FGF14: variants seen among roughly 807,000 people sequenced by gnomAD.
The protein encoded by FGF14 is fibroblast growth factor 14, also known as fibroblast growth factor homologous factor 4.
FGF14 carries 5 observed loss-of-function variants against 25.5 expected under a neutral mutation model. The ratio of observed to expected loss-of-function variants is 0.20; its 90% confidence interval spans 0.10 to 0.41. FGF14 has a LOEUF of 0.41. Ranked by LOEUF, FGF14 falls within the 10% of genes least tolerant of loss-of-function variation. FGF14 has a pLI of 1.00. For synonymous variants in FGF14, 138 were observed against 118.3 expected (o/e 1.17, Z -1.08); for missense variants, 222 against 320.1 (o/e 0.69, Z 2.34).
chr13:101,893,903 T>C (rs1184479589), intron 1 of FGF14, among the ~76,000 whole-genome samples: 2 of 152,162 alleles, frequency 1.3e-5, no homozygotes, highest in Admixed American at 1.3e-4. Flanking sequence ...GACAAGATTC[T>C]TAGCATCTCA....
At chr13:101,794,309 T>A (rs928867664) in intron 3 of FGF14, among the ~76,000 whole-genome samples, 1 of 152,062 alleles carries the variant, frequency 6.6e-6, no homozygotes, top group Admixed American at 6.6e-5. Flanking sequence ...TCTACGGTTA[T>A]TAAATCTACC....
chr13:101,887,314 T>TCA (rs1371779552), intron 1 of FGF14, among the ~76,000 whole-genome samples: 1 of 142,664 alleles, frequency 7.0e-6, no homozygotes, highest in Admixed American at 7.4e-5. Flanking sequence ...TAAATATATT[T>TCA]CATATATATG....
At chr13:101,926,192 A>G (rs899288656) in intron 1 of FGF14, among the ~76,000 whole-genome samples, 2 of 152,166 alleles carry the variant, frequency 1.3e-5, no homozygotes, top group African/African-American at 4.8e-5. Flanking sequence ...TGTCTACCAC[A>G]CCTACCCTGT....
intron 1 of FGF14, among the ~76,000 whole-genome samples, chr13:102,046,177 C>T (rs557216616): frequency 1.3e-5 from 2 of 152,236 alleles, no homozygotes; most frequent in African/African-American, 4.8e-5. Context: ...TCCTAAGCCT[C>T]TCTCTAGTCA....
At chr13:101,747,081 A>G (rs1022422020) in intron 3 of FGF14, among the ~76,000 whole-genome samples, 1 of 152,006 alleles carries the variant, frequency 6.6e-6, no homozygotes, top group Non-Finnish European at 1.5e-5. Flanking sequence ...GGAAAGTGGT[A>G]TGTTGAGCAT....
In FGF14 at chr13:101,756,652, G is replaced by A. The variant is rs1594139444; in HGVS notation, c.409-29842C>T. Reference sequence around the variant, plus strand: ...GGAGGCTGAGGCAGGAGAACTGCTTGAATCCAGGAGGCGGAGGTTGCCATG... The same window carrying A: ...GGAGGCTGAGGCAGGAGAACTGCTTAAATCCAGGAGGCGGAGGTTGCCATG... On this transcript the variant is annotated intron_variant, in intron 3 of 4. Transcript: ENST00000376143. 2.0e-5 allele frequency among the ~76,000 whole-genome samples: 3 copies of A among 152,306 alleles called. 1 individual carries two copies. Among genetic ancestry groups the A allele is most frequent in the Admixed American group, 2.0e-4 (3 of 15,298 alleles).
intron 1 of FGF14, among the ~76,000 whole-genome samples, chr13:102,109,727 C>T (rs924302606): frequency 3.3e-5 from 5 of 152,078 alleles, no homozygotes; most frequent in African/African-American, 9.7e-5. Context: ...TCAAGAGGTT[C>T]TCCTGCCTCA....
intron 1 of FGF14, among the ~76,000 whole-genome samples, chr13:102,065,144 C>T (rs2042848670): frequency 6.6e-6 from 1 of 152,068 alleles, no homozygotes; most frequent in Non-Finnish European, 1.5e-5. Context: ...CATTCATCAT[C>T]ATCTATTAAG....
intron 1 of FGF14, among the ~76,000 whole-genome samples, chr13:101,953,778 CGGGGT>C (rs1395147139): frequency 6.6e-6 from 1 of 151,492 alleles, no homozygotes; most frequent in Admixed American, 6.6e-5. Context: ...TTAGTAGAGA[CGGGGT>C]TTCACCATGT....
chr13:101,820,326 C>G (rs982596774), intron 3 of FGF14, among the ~76,000 whole-genome samples: 3 of 151,942 alleles, frequency 2.0e-5, no homozygotes, highest in African/African-American at 7.3e-5. Context: ...CAGATTAGTC[C>G]TATATAATTT....
At position 101,718,262 on chromosome 13, in the gene FGF14, C is replaced by G. The variant is rs1344181089; in HGVS notation, c.*4569G>C. ...TGTGTGTGTATGTGTGGTTTTGATG[C>G]CAGCAATGCAAACACCAATATATCT... On this transcript the variant is annotated 3_prime_UTR_variant, in exon 5 of 5. Coordinates refer to ENST00000376143, the MANE Select transcript of FGF14 (RefSeq NM_004115.4). 1 of 151,760 alleles carries G rather than the reference C, an allele frequency of 6.6e-6. No homozygotes were observed. Among genetic ancestry groups the G allele is most frequent in the Non-Finnish European group, 1.5e-5 (1 of 67,894 alleles). 9.4% of individuals were successfully genotyped at this position (151,760 alleles called of 1,614,324 possible). A position where few individuals can be genotyped will look rare whatever the true frequency, so the allele number is the denominator to read the frequency against.
chr13:102,159,272 A>C (rs1286860630), intron 1 of FGF14, among the ~76,000 whole-genome samples: 1 of 152,212 alleles, frequency 6.6e-6, no homozygotes, highest in Admixed American at 6.5e-5. Flanking sequence ...AAATGATTAT[A>C]AAGGAAAAAG....
At chr13:101,801,650 G>T (rs373455872) in intron 3 of FGF14, among the ~76,000 whole-genome samples, 49 of 152,192 alleles carry the variant, frequency 3.2e-4, no homozygotes, top group African/African-American at 1.1e-3. Context: ...GAGAAAACAG[G>T]TTGGTTAAGA....
chr13:102,179,972 C>T (rs2048601052), intron 1 of FGF14, among the ~76,000 whole-genome samples: 1 of 152,112 alleles, frequency 6.6e-6, no homozygotes, highest in Non-Finnish European at 1.5e-5. Context: ...TACTCCTCAT[C>T]TCTACCAAAC....
Position 102,388,325 on chromosome 13 carries a change from A to C in FGF14, c.208+13146T>G, listed in dbSNP as rs148085918. On this transcript the variant is annotated intron_variant, in intron 1 of 4. Coordinates refer to the FGF14 transcript ENST00000376131. ...AAAATTAAAACTACAAAGTAGGCTC[A>C]AATTGTATAGAAAGATGTATAATGT... Among the ~76,000 whole-genome samples the C allele has an allele frequency of 5.6e-3, 860 of 152,338 alleles. 4 individuals are homozygous for C. The highest frequency in any genetic ancestry group is 0.017 in the Middle Eastern group (5 of 294).
At chr13:102,362,271 C>T (rs1406187113) in intron 1 of FGF14, among the ~76,000 whole-genome samples, 6 of 152,144 alleles carry the variant, frequency 3.9e-5, no homozygotes, top group African/African-American at 1.4e-4. Flanking sequence ...CGTGATTTTG[C>T]TGGGACTGTA....
intron 1 of FGF14, among the ~76,000 whole-genome samples, chr13:101,882,848 A>G (rs924782793): frequency 1.3e-5 from 2 of 152,172 alleles, no homozygotes; most frequent in African/African-American, 2.4e-5. Flanking sequence ...AGGTACAAAC[A>G]TCTGAGCTCT....
intron 1 of FGF14, chr13:102,394,834 G>C (rs931592540): frequency 2.0e-5 from 3 of 152,402 alleles, no homozygotes; most frequent in Non-Finnish European, 4.4e-5. Flanking sequence ...TTACCGAGGG[G>C]TTCCACGCCT....
At chr13:102,161,647 A>AT (rs1566765136) in intron 1 of FGF14, among the ~76,000 whole-genome samples, 893 of 19,806 alleles carry the variant, frequency 0.045, 106 homozygotes, top group African/African-American at 0.14. Flanking sequence ...GAAGAAGAAG[A>AT]AGAAGAAGAA....
Sources: gnomAD v4.1 joint callset for allele counts (sites outside exome capture counted in the v4.1 genomes callset) on GRCh38, gnomAD v4.1.1 for gene constraint, MANE v1.5 for transcripts, NCBI Gene and HGNC (gene_info 2026-07-23, HGNC 2026-07-21) for gene names.